Variants in SAMSN1 observed in about 807,000 individuals in gnomAD.
The protein encoded by SAMSN1 is SAM domain-containing protein SAMSN-1.
Under a neutral mutation model 42.0 loss-of-function variants are expected in SAMSN1, and 31 were observed. The ratio of observed to expected loss-of-function variants is 0.74; its 90% confidence interval spans 0.55 to 1.00. The LOEUF is 1.00. SAMSN1 is among the 50% of genes least tolerant of loss of function. SAMSN1 has a pLI of 0.00. For synonymous variants in SAMSN1, 178 were observed against 151.9 expected (o/e 1.17, Z -1.26); for missense variants, 464 against 439.4 (o/e 1.06, Z -0.50).
intron 1 of SAMSN1, among the ~76,000 whole-genome samples, chr21:14,536,234 A>G (rs1979607094): frequency 6.6e-6 from 1 of 152,184 alleles, no homozygotes; most frequent in South Asian, 2.1e-4. Context: ...AAAAACAAAC[A>G]AACAAAAAAA....
At chr21:14,599,736 G>A (rs1430922466) in intron 6 of SAMSN1, among the ~76,000 whole-genome samples, 3 of 152,140 alleles carry the variant, frequency 2.0e-5, no homozygotes, top group Non-Finnish European at 4.4e-5. Flanking sequence ...CTTCAGCCAT[G>A]AGTGGAAGCA....
At chr21:14,609,345 A>G (rs1982644691) in intron 5 of SAMSN1, 1 of 622,046 alleles carries the variant, frequency 1.6e-6, no homozygotes, top group African/African-American at 1.8e-5. Flanking sequence ...ATTCTATTCT[A>G]TCTTATTTGG....
At chr21:14,588,240 A>G (rs1249607114), upstream of SAMSN1, among the ~76,000 whole-genome samples, 3 of 112,860 alleles carry the variant, frequency 2.7e-5, no homozygotes, top group Admixed American at 3.2e-4. Context: ...AGCATGATTT[A>G]TAGTCCTTTG....
chr21:14,527,443 C>T (rs2064023), intron 1 of SAMSN1, among the ~76,000 whole-genome samples: 33,946 of 152,106 alleles, frequency 0.22, 4,574 homozygotes, highest in East Asian at 0.43. Flanking sequence ...TGTAAAGCCT[C>T]GTCTTCGACA....
chr21:14,542,525 T>C (rs1034627335), intron 1 of SAMSN1, among the ~76,000 whole-genome samples: 8 of 152,070 alleles, frequency 5.3e-5, no homozygotes, highest in Non-Finnish European at 1.2e-4. Context: ...AGGAAAATTG[T>C]TATGTTCTAT....
At chr21:14,643,425 T>C (rs1983642647) in intron 1 of SAMSN1, among the ~76,000 whole-genome samples, 1 of 152,354 alleles carries the variant, frequency 6.6e-6, no homozygotes, top group East Asian at 1.9e-4. Flanking sequence ...AAGAGGTATG[T>C]TGAAGACATT....
upstream of SAMSN1, among the ~76,000 whole-genome samples, chr21:14,548,792 G>A (rs891715916): frequency 3.9e-5 from 6 of 151,940 alleles, no homozygotes; most frequent in Admixed American, 2.0e-4. Flanking sequence ...GGAGGACACC[G>A]AGATATTTAG....
intron 4 of SAMSN1, among the ~76,000 whole-genome samples, chr21:14,510,923 TC>T: frequency 6.6e-6 from 1 of 152,334 alleles, no homozygotes; most frequent in East Asian, 1.9e-4. Context: ...AATATCTGCA[TC>T]CCCATGTGGT....
intron 1 of SAMSN1, among the ~76,000 whole-genome samples, chr21:14,657,659 G>A (rs1050318620): frequency 6.6e-6 from 1 of 151,750 alleles, no homozygotes; most frequent in Non-Finnish European, 1.5e-5. Context: ...AACTAGAAAA[G>A]TATGCACAAT....
chr21:14,510,175 T>C, intron 5 of SAMSN1, 135 bp downstream of exon 5: 1 of 827,302 alleles, frequency 1.2e-6, no homozygotes, highest in Non-Finnish European at 2.0e-6. Context: ...GTCTTAGTAC[T>C]GTAAGCTAGC....
At chr21:14,547,013 G>T (rs1332759439), upstream of SAMSN1, among the ~76,000 whole-genome samples, 1 of 152,100 alleles carries the variant, frequency 6.6e-6, no homozygotes, top group African/African-American at 2.4e-5. Context: ...AATAAACACA[G>T]TTAGAAGATA....
In SAMSN1 at chr21:14,485,384, A is replaced by C. The variant is rs1986388262; in HGVS notation, c.*528T>G. ...ATCTCTACTTTTATACCAGAAAACA[A>C]AATGAAGAAATCAACAAAATATAAT... On this transcript the variant is annotated 3_prime_UTR_variant, in exon 8 of 8. Coordinates refer to ENST00000400566, the MANE Select transcript of SAMSN1 (RefSeq NM_022136.5). 1 of 152,486 alleles carries C rather than the reference A, an allele frequency of 6.6e-6. No individual in the cohort carries two copies. Among genetic ancestry groups the C allele is most frequent in the African/African-American group, 2.4e-5 (1 of 41,462 alleles). The allele number at this position is 152,486 out of a possible 1,614,324, so 9.4% of individuals were successfully genotyped here.
intron 2 of SAMSN1, among the ~76,000 whole-genome samples, chr21:14,630,618 A>T (rs117291466): frequency 4.6e-5 from 7 of 152,212 alleles, no homozygotes; most frequent in Non-Finnish European, 8.8e-5. Flanking sequence ...ATGTAATCAT[A>T]GATATAACAG....
intron 7 of SAMSN1, chr21:14,593,974 A>G (rs766258909): frequency 2.0e-5 from 14 of 714,338 alleles, no homozygotes; most frequent in Non-Finnish European, 3.4e-5. Context: ...GAGATGGGAA[A>G]TCCACTTAAA....
chr21:14,551,148 G>A (rs1980582145), upstream of SAMSN1, among the ~76,000 whole-genome samples: 1 of 152,040 alleles, frequency 6.6e-6, no homozygotes, highest in Non-Finnish European at 1.5e-5. Flanking sequence ...TTTCTGAGTG[G>A]TTAGAGTTGC....
chr21:14,598,984 TA>T (rs1490971948), intron 6 of SAMSN1, among the ~76,000 whole-genome samples: 1 of 152,180 alleles, frequency 6.6e-6, no homozygotes, highest in African/African-American at 2.4e-5. Context: ...GGAACAAAAA[TA>T]AACTTCACTT....
upstream of SAMSN1, chr21:14,546,429 T>G: frequency 8.4e-7 from 1 of 1,184,678 alleles, no homozygotes. Context: ...ATGGGTAATT[T>G]TTTTTTCTTA....
intron 2 of SAMSN1, among the ~76,000 whole-genome samples, chr21:14,560,714 T>C (rs777995842): frequency 1.3e-5 from 2 of 152,232 alleles, no homozygotes; most frequent in Non-Finnish European, 2.9e-5. Context: ...AGTCAGTGCC[T>C]TTTATCTAAC....
intron 2 of SAMSN1, among the ~76,000 whole-genome samples, chr21:14,573,364 G>A (rs1431880887): frequency 6.6e-6 from 1 of 152,166 alleles, no homozygotes; most frequent in Non-Finnish European, 1.5e-5. Flanking sequence ...TCCTGAGAAT[G>A]AAAATGGAAA....
Sources: allele counts gnomAD v4.1 joint callset (sites outside exome capture counted in the v4.1 genomes callset), GRCh38; gene constraint gnomAD v4.1.1; transcripts MANE v1.5; gene names NCBI Gene and HGNC (gene_info 2026-07-23, HGNC 2026-07-21).